XYLT1: variants seen among roughly 807,000 people sequenced by gnomAD.
XYLT1 encodes the protein beta-D-xylosyltransferase 1.
A neutral mutation model predicts 91.3 loss-of-function variants in XYLT1; 36 were observed. The ratio of observed to expected loss-of-function variants is 0.39; its 90% CI spans 0.30 to 0.52. The LOEUF is 0.52. Ranked by LOEUF, XYLT1 falls within the 20% of genes least tolerant of loss-of-function variation. XYLT1 has a pLI of 0.68. For synonymous variants in XYLT1, 588 were observed against 532.0 expected (o/e 1.11, Z -1.45); for missense variants, 1,242 against 1,284.5 (o/e 0.97, Z 0.51).
chr16:17,237,515 A>C (rs1236220907), intron 3 of XYLT1, among the ~76,000 whole-genome samples: 1 of 151,908 alleles, frequency 6.6e-6, no homozygotes, highest in Non-Finnish European at 1.5e-5. Flanking sequence ...CTTTCTCATG[A>C]CTCCAGGAAG....
intron 2 of XYLT1, among the ~76,000 whole-genome samples, chr16:17,322,399 A>G (rs2034737489): frequency 6.6e-6 from 1 of 152,140 alleles, no homozygotes; most frequent in Non-Finnish European, 1.5e-5. Context: ...CATCATCATC[A>G]TCTCCATTTT....
intron 1 of XYLT1, among the ~76,000 whole-genome samples, chr16:17,400,958 T>C (rs2141901103): frequency 6.8e-6 from 1 of 146,016 alleles, no homozygotes; most frequent in Non-Finnish European, 1.5e-5. Flanking sequence ...CTCTCTCCTC[T>C]GTCTCTCTGT....
chr16:17,421,119 A>G (rs1414131157), intron 1 of XYLT1, among the ~76,000 whole-genome samples: 4 of 152,176 alleles, frequency 2.6e-5, no homozygotes, highest in Non-Finnish European at 5.9e-5. Context: ...CAGCTCAATC[A>G]TTAGGACTCC....
chr16:17,149,937 A>G (rs528541798), intron 6 of XYLT1, among the ~76,000 whole-genome samples: 5 of 152,284 alleles, frequency 3.3e-5, no homozygotes, highest in African/African-American at 9.6e-5. Flanking sequence ...ACGATGCTTT[A>G]TGTTTTTTTC....
chr16:17,263,427 T>C (rs1013791513), intron 2 of XYLT1, among the ~76,000 whole-genome samples: 2 of 152,074 alleles, frequency 1.3e-5, no homozygotes, highest in African/African-American at 2.4e-5. Flanking sequence ...GCCACCACAA[T>C]GGCGATGATT....
At chr16:17,411,315 G>C (rs1596531891) in intron 1 of XYLT1, among the ~76,000 whole-genome samples, 1 of 152,174 alleles carries the variant, frequency 6.6e-6, no homozygotes, top group Admixed American at 6.5e-5. Flanking sequence ...CATGGTGGTA[G>C]TTTCTTCATA....
chr16:17,361,636 T>C (rs2035383705), intron 1 of XYLT1, among the ~76,000 whole-genome samples: 1 of 152,182 alleles, frequency 6.6e-6, no homozygotes, highest in Non-Finnish European at 1.5e-5. Flanking sequence ...AGCAAGGAAA[T>C]AAGTGACCAT....
At chr16:17,390,002 C>A (rs911775763) in intron 1 of XYLT1, among the ~76,000 whole-genome samples, 2 of 152,154 alleles carry the variant, frequency 1.3e-5, no homozygotes, top group East Asian at 3.9e-4. Flanking sequence ...AGTTACCACT[C>A]CTCATTTGCA....
intron 6 of XYLT1, among the ~76,000 whole-genome samples, chr16:17,145,049 T>C (rs1290560402): frequency 1.3e-5 from 2 of 152,256 alleles, no homozygotes; most frequent in Non-Finnish European, 2.9e-5. Context: ...TAGCCCCTGA[T>C]AACCATCAGT....
chr16:17,166,510 A>G (rs968928182), intron 5 of XYLT1, among the ~76,000 whole-genome samples: 3 of 148,672 alleles, frequency 2.0e-5, no homozygotes, highest in Admixed American at 2.0e-4. Flanking sequence ...TCAGTCCATC[A>G]TTCACTTTTT....
At chr16:17,323,844 G>C (rs915289087) in intron 2 of XYLT1, among the ~76,000 whole-genome samples, 2 of 152,198 alleles carry the variant, frequency 1.3e-5, no homozygotes, top group Non-Finnish European at 2.9e-5. Flanking sequence ...TCTAGGTCAA[G>C]AGCAGATGGC....
intron 10 of XYLT1, among the ~76,000 whole-genome samples, chr16:17,123,365 A>G (rs921169227): frequency 2.0e-5 from 3 of 152,102 alleles, no homozygotes; most frequent in African/African-American, 7.2e-5. Context: ...GCTCTTTCAG[A>G]CTTTTTGATG....
At chr16:17,232,440 T>TATATATATATATATATATAA (rs2033178552) in intron 3 of XYLT1, among the ~76,000 whole-genome samples, 1 of 127,428 alleles carries the variant, frequency 7.8e-6, no homozygotes, top group Non-Finnish European at 1.7e-5. Context: ...TATATATATA[T>TATATATATATATATATATAA]ATATATATAC....
rs973041014 is a variant in XYLT1, at chr16:17,104,847, C to T, written c.*3848G>A. The T allele has an allele frequency of 6.6e-6, 1 of 152,234 alleles. No individual in the cohort carries two copies. Among genetic ancestry groups the T allele is most frequent in the Non-Finnish European group, 1.5e-5 (1 of 68,080 alleles). 9.4% of individuals were successfully genotyped at this position (152,234 alleles called of 1,614,324 possible). ...ATGCCAGTAAGACCACAGTCCCCAT[C>T]CTTGCCCCCACCATGCCCTTTTGCC... On this transcript the variant is annotated 3_prime_UTR_variant, in exon 12 of 12. Coordinates refer to ENST00000261381, the MANE Select transcript of XYLT1 (RefSeq NM_022166.4).
At chr16:17,244,316 T>C (rs1416539610) in intron 3 of XYLT1, among the ~76,000 whole-genome samples, 1 of 152,034 alleles carries the variant, frequency 6.6e-6, no homozygotes, top group Non-Finnish European at 1.5e-5. Flanking sequence ...CGGCAAGCAC[T>C]GTCCTTGACC....
intron 2 of XYLT1, among the ~76,000 whole-genome samples, chr16:17,268,667 C>CTTTTTT (rs56389780): frequency 2.9e-5 from 4 of 138,072 alleles, no homozygotes; most frequent in Admixed American, 7.3e-5. Context: ...GTGATAAATA[C>CTTTTTT]TTTTTTTTTT....
chr16:17,311,621 T>C (rs1173749684), intron 2 of XYLT1, among the ~76,000 whole-genome samples: 5 of 152,216 alleles, frequency 3.3e-5, no homozygotes, highest in Non-Finnish European at 5.9e-5. Flanking sequence ...TTCAACAACG[T>C]TGATGCTGAT....
At chr16:17,414,404 C>T (rs2141914812) in intron 1 of XYLT1, among the ~76,000 whole-genome samples, 1 of 152,308 alleles carries the variant, frequency 6.6e-6, no homozygotes, top group South Asian at 2.1e-4. Context: ...AATCATAGCT[C>T]ACTACAGTCT....
At chr16:17,220,548 C>T (rs1182097864) in intron 3 of XYLT1, among the ~76,000 whole-genome samples, 1 of 152,232 alleles carries the variant, frequency 6.6e-6, no homozygotes, top group African/African-American at 2.4e-5. Context: ...TCTCGGCTCA[C>T]TGCAACCCCT....
Sources: gnomAD v4.1 joint callset for allele counts (sites outside exome capture counted in the v4.1 genomes callset) on GRCh38, gnomAD v4.1.1 for gene constraint, MANE v1.5 for transcripts, NCBI Gene and HGNC (gene_info 2026-07-23, HGNC 2026-07-21) for gene names.